Variants in TESK2 observed in about 807,000 individuals in gnomAD.
The protein encoded by TESK2 is dual specificity testis-specific protein kinase 2.
A neutral mutation model predicts 57.1 loss-of-function variants in TESK2; 39 were observed. The observed-to-expected ratio is 0.68, with a 90% CI of 0.53 to 0.89. TESK2 has a LOEUF of 0.89. Ranked by LOEUF, TESK2 falls within the 40% of genes least tolerant of loss-of-function variation. The probability of loss-of-function intolerance (pLI) is 0.00; values close to 1 mark genes in which losing one functional copy is unlikely to be tolerated. For synonymous variants in TESK2, 249 were observed against 267.9 expected (o/e 0.93, Z 0.69); for missense variants, 646 against 732.1 (o/e 0.88, Z 1.36).
At chr1:45,357,151 G>A (rs753286433) in intron 4 of TESK2, among the ~76,000 whole-genome samples, 2 of 151,414 alleles carry the variant, frequency 1.3e-5, no homozygotes, top group South Asian at 2.1e-4. Context: ...AGCTGAGATC[G>A]TGCCATTGCA....
intron 4 of TESK2, among the ~76,000 whole-genome samples, chr1:45,357,975 G>A (rs1173692080): frequency 7.5e-6 from 1 of 133,316 alleles, no homozygotes; most frequent in East Asian, 2.3e-4. Flanking sequence ...TTGTACTCCA[G>A]CCTGGGCAAG....
chr1:45,375,911 G>A (rs1014292170), intron 4 of TESK2, among the ~76,000 whole-genome samples: 1 of 152,150 alleles, frequency 6.6e-6, no homozygotes, highest in Non-Finnish European at 1.5e-5. Flanking sequence ...GAGAAAAACT[G>A]TTTTAAGGAT....
chr1:45,440,634 T>A (rs1051234292), intron 2 of TESK2, among the ~76,000 whole-genome samples: 1 of 151,442 alleles, frequency 6.6e-6, no homozygotes, highest in Admixed American at 6.6e-5. Context: ...AAGAATCACT[T>A]AAACCGGGGA....
At chr1:45,416,846 G>A (rs1254799083) in intron 3 of TESK2, among the ~76,000 whole-genome samples, 4 of 151,736 alleles carry the variant, frequency 2.6e-5, no homozygotes, top group African/African-American at 9.7e-5. Context: ...GAGCGCAGTG[G>A]TGCGATCTCG....
At chr1:45,475,839 C>T (rs1349273792) in intron 1 of TESK2, among the ~76,000 whole-genome samples, 1 of 152,176 alleles carries the variant, frequency 6.6e-6, no homozygotes, top group Non-Finnish European at 1.5e-5. Flanking sequence ...TCATCTTTCT[C>T]CCATGCTGGA....
rs190893946 is a variant in TESK2, at chr1:45,345,003, A to G, written c.1553T>C (p.Leu518Pro). Residue 518 changes from leucine to proline, a missense_variant, in exon 11 of 11, where the codon CTC becomes CCC. Physicochemically the swap from Leu to Pro is moderately conservative, Grantham distance 98 (BLOSUM62 -3). Transcript: ENST00000372086. ...GGACCCAAAACCATTTTCTTCCTGG[A>G]GAATGGAGCAGTCCATAGCCTCATG... ...QAHEAMDCSI[L>P]QEENGFGSRP... 7 of 1,614,214 alleles carry G rather than the reference A, an allele frequency of 4.3e-6. No individual in the cohort carries two copies. Among genetic ancestry groups the G allele is most frequent in the Admixed American group, 3.3e-5 (2 of 60,034 alleles).
chr1:45,417,356 T>A (rs956005781), intron 3 of TESK2, among the ~76,000 whole-genome samples: 18 of 151,816 alleles, frequency 1.2e-4, no homozygotes, highest in African/African-American at 4.4e-4. Flanking sequence ...CTCAGCCCCC[T>A]GAGTAGCTGG....
intron 4 of TESK2, among the ~76,000 whole-genome samples, chr1:45,378,214 A>T (rs1648517791): frequency 6.6e-6 from 1 of 152,190 alleles, no homozygotes; most frequent in Admixed American, 6.6e-5. Context: ...CAGATTTTTA[A>T]AAAACAGTTT....
chr1:45,430,214 G>T (rs1236390780), intron 2 of TESK2, among the ~76,000 whole-genome samples: 2 of 152,272 alleles, frequency 1.3e-5, no homozygotes, highest in East Asian at 3.9e-4. Context: ...GTGAAGATGG[G>T]TATGGTGGCT....
At chr1:45,449,644 T>C (rs1033327232) in intron 2 of TESK2, among the ~76,000 whole-genome samples, 2 of 152,180 alleles carry the variant, frequency 1.3e-5, no homozygotes, top group Non-Finnish European at 2.9e-5. Context: ...TATCCAGGTG[T>C]TTCTTTAACC....
At chr1:45,483,339 T>TA (rs1454015351) in intron 1 of TESK2, among the ~76,000 whole-genome samples, 1 of 151,162 alleles carries the variant, frequency 6.6e-6, no homozygotes, top group Non-Finnish European at 1.5e-5. Flanking sequence ...CTCACACCTG[T>TA]AATCCCAGCA....
At chr1:45,486,697 AC>A (rs1237543056) in intron 1 of TESK2, among the ~76,000 whole-genome samples, 1 of 150,760 alleles carries the variant, frequency 6.6e-6, no homozygotes, top group African/African-American at 2.4e-5. Flanking sequence ...AAAAAAAAAA[AC>A]AAACGCACAC....
At chr1:45,390,359 T>C (rs1002488697) in intron 3 of TESK2, among the ~76,000 whole-genome samples, 4 of 151,976 alleles carry the variant, frequency 2.6e-5, no homozygotes, top group Non-Finnish European at 1.5e-5. Flanking sequence ...AGCTACTCAG[T>C]AGGCTGAGGC....
At chr1:45,421,968 A>G in intron 2 of TESK2, 122 bp from the exon 3 acceptor site, 7 of 957,912 alleles carry the variant, frequency 7.3e-6, no homozygotes, top group Middle Eastern at 2.4e-4. Flanking sequence ...ATATACATCT[A>G]ATTACATTAA....
intron 2 of TESK2, among the ~76,000 whole-genome samples, chr1:45,423,426 G>A (rs111429955): frequency 0.051 from 7,822 of 151,888 alleles, 714 homozygotes; most frequent in African/African-American, 0.18. Flanking sequence ...GCGTGGTGGC[G>A]GGCACCTGTA....
intron 4 of TESK2, among the ~76,000 whole-genome samples, chr1:45,357,239 A>AATG (rs1557541497): frequency 7.1e-5 from 9 of 126,688 alleles, no homozygotes; most frequent in African/African-American, 2.2e-4. Context: ...ATAAATAAAT[A>AATG]AATGTATGTA....
At chr1:45,363,523 C>T (rs1471200337) in intron 4 of TESK2, among the ~76,000 whole-genome samples, 1 of 152,216 alleles carries the variant, frequency 6.6e-6, no homozygotes, top group Non-Finnish European at 1.5e-5. Flanking sequence ...GACTCCTGCT[C>T]ACCTGCACAT....
At chr1:45,446,388 G>C (rs979778844) in intron 2 of TESK2, among the ~76,000 whole-genome samples, 24 of 152,100 alleles carry the variant, frequency 1.6e-4, no homozygotes, top group African/African-American at 5.8e-4. Flanking sequence ...TTGAGCCAAG[G>C]AGCTGGAAGC....
At chr1:45,475,280 C>T (rs925319947) in intron 1 of TESK2, among the ~76,000 whole-genome samples, 1 of 134,072 alleles carries the variant, frequency 7.5e-6, no homozygotes, top group Non-Finnish European at 1.5e-5. Context: ...GATCTTGGTT[C>T]ACTGCAACCT....
Sources: allele counts gnomAD v4.1 joint callset (sites outside exome capture counted in the v4.1 genomes callset), GRCh38; gene constraint gnomAD v4.1.1; transcripts MANE v1.5; gene names NCBI Gene and HGNC (gene_info 2026-07-23, HGNC 2026-07-21).